ASPM: variants seen among roughly 807,000 people sequenced by gnomAD.
The protein encoded by ASPM is assembly factor for spindle microtubules, also known as abnormal spindle-like microcephaly-associated protein.
A neutral mutation model predicts 366.4 loss-of-function variants in ASPM; 256 were observed. That is an observed-to-expected ratio of 0.70 (90% CI 0.63 to 0.77). ASPM has a LOEUF of 0.77. Among genes scored for constraint, ASPM ranks in the 30% least tolerant of loss-of-function variants. The pLI, the probability that ASPM is intolerant of heterozygous loss-of-function variation, is 0.00. For missense variants in ASPM, 4,146 were observed against 4,090.4 expected (o/e 1.01, Z -0.37); for synonymous variants, 1,414 against 1,342.9 (o/e 1.05, Z -1.16).
At chr1:197,134,677 G>C (rs1199855290) in intron 5 of ASPM, among the ~76,000 whole-genome samples, 1 of 152,118 alleles carries the variant, frequency 6.6e-6, no homozygotes, top group East Asian at 1.9e-4. Flanking sequence ...ATCTCTACCT[G>C]GTCCCTTTCC....
Position 197,100,858 on chromosome 1 carries a change from T to C in ASPM, c.8393A>G (p.Tyr2798Cys), listed in dbSNP as rs920837880. 1.2e-6 allele frequency: 2 copies of C among 1,612,726 alleles called. No homozygotes were observed. Among genetic ancestry groups the C allele is most frequent in the South Asian group, 1.1e-5 (1 of 91,062 alleles). ...QSEGVMIQEW[Y>C]KASGLACSQE... is the part of the protein sequence containing the mutation. ...TGAACAAGCAAGGCCAGAAGCTTTA[T>C]ACCACTCTTGAATCATAACACCTTC... Residue 2798 changes from tyrosine to cysteine, a missense_variant, in exon 18 of 28, where the codon TAT becomes TGT. Physicochemically the swap from Tyr to Cys is radical, Grantham distance 194. Transcript: ENST00000367409.
chr1:197,107,299 G>A (rs1045353169), intron 17 of ASPM, among the ~76,000 whole-genome samples: 7 of 152,064 alleles, frequency 4.6e-5, no homozygotes, highest in South Asian at 2.1e-4. Context: ...TGGCTACTGG[G>A]TGTTACATAA....
chr1:197,118,883 A>G (rs1251792899), intron 16 of ASPM, among the ~76,000 whole-genome samples: 1 of 152,182 alleles, frequency 6.6e-6, no homozygotes, highest in African/African-American at 2.4e-5. Flanking sequence ...ATTGGAGACT[A>G]GAAAATGAAC....
intron 25 of ASPM, 57 bp downstream of exon 25, chr1:197,089,873 T>G (rs925837013): frequency 1.3e-6 from 2 of 1,557,130 alleles, no homozygotes; most frequent in Non-Finnish European, 1.8e-6. Flanking sequence ...CCAAACTTAA[T>G]TTGCAGGGGC....
chr1:197,103,509 C>G lies in ASPM; in HGVS notation c.5742G>C (p.Gln1914His). The G allele has an allele frequency of 6.2e-7, 1 of 1,613,154 alleles. No individual in the cohort carries two copies. The highest frequency in any genetic ancestry group is 8.5e-7 in the Non-Finnish European group (1 of 1,179,476). ...CTGTTTTAAACAATCTAAACTGTTT[C>G]TGGGCCTTGGCCATTCTAAAAGCAG... ...IQSAFRMAKA[Q>H]KQFRLFKTAA... is the part of the protein sequence containing the mutation. The change falls in exon 18 of 28, where the codon CAG becomes CAC. Residue 1914 changes from glutamine to histidine, a missense_variant. Gln to His is a conservative substitution (Grantham distance 24). Around this residue, in one of 3 missense-constraint regions of ASPM, gnomAD observed 3,624 missense variants for 3,591.7 expected, o/e 1.01. Coordinates refer to ENST00000367409, the MANE Select transcript of ASPM (RefSeq NM_018136.5).
chr1:197,143,070 A>T lies in ASPM; in HGVS notation c.1182T>A (p.Asn394Lys). ...SESVNPILSP[N>K]QFLKDNMAYM... ...ATGCCATGTTATCTTTTAAAAATTGATTAGGGGATAAAATAGGATTAACTG... is the reference window on the plus strand; with the variant it reads ...ATGCCATGTTATCTTTTAAAAATTGTTTAGGGGATAAAATAGGATTAACTG... The change falls in exon 3 of 28, where the codon AAT (asparagine) becomes AAA (lysine). Residue 394 changes from asparagine to lysine, a missense_variant. Physicochemically the swap from Asn to Lys is moderately conservative, Grantham distance 94. Around this residue, in one of 3 missense-constraint regions of ASPM, gnomAD observed 512 missense variants for 471.7 expected, o/e 1.09. Transcript: ENST00000367409. 4.3e-6 allele frequency: 7 copies of T among 1,613,018 alleles called. No homozygotes were observed. The highest frequency in any genetic ancestry group is 1.1e-5 in the South Asian group (1 of 91,048).
rs773062972 is a variant in ASPM at position 197,093,155 on chromosome 1, C to G, written c.9191G>C (p.Arg3064Pro). Reference sequence around the variant, plus strand: ...TTCATGCTTTCCAGCCTCCCTGGCTCGTATATATTTTTGTATGATCAAAGC... The same window carrying G: ...TTCATGCTTTCCAGCCTCCCTGGCTGGTATATATTTTTGTATGATCAAAGC... ...SAALIIQKYI[R>P]AREAGKHERI... Residue 3064 changes from arginine to proline, a missense_variant, in exon 21 of 28, where the codon CGA (arginine) becomes CCA (proline). Arg to Pro is a moderately radical substitution (Grantham distance 103, BLOSUM62 -2). This residue lies in a region of ASPM where 3,624 missense variants were observed against 3,591.7 expected (regional missense o/e 1.01). Transcript: ENST00000367409. 6.2e-7 allele frequency: 1 copy of G among 1,612,268 alleles called. No individual in the cohort carries two copies. Among genetic ancestry groups the G allele is most frequent in the Non-Finnish European group, 8.5e-7 (1 of 1,178,760 alleles).
At chr1:197,137,749 G>A (rs114086766) in intron 4 of ASPM, among the ~76,000 whole-genome samples, 2,776 of 152,192 alleles carry the variant, frequency 0.018, 87 homozygotes, top group African/African-American at 0.063. Context: ...CCAAAGTGCT[G>A]GGACCACAGG....
At chr1:197,112,986 A>G (rs1433035857) in intron 17 of ASPM, among the ~76,000 whole-genome samples, 1 of 152,144 alleles carries the variant, frequency 6.6e-6, no homozygotes, top group Non-Finnish European at 1.5e-5. Flanking sequence ...ATAAAAGGTA[A>G]TTTTCAAAAA....
chr1:197,120,004 T>C (rs1005942251), intron 16 of ASPM, among the ~76,000 whole-genome samples: 3 of 152,032 alleles, frequency 2.0e-5, no homozygotes, highest in Non-Finnish European at 4.4e-5. Flanking sequence ...CGGAAAGATA[T>C]AATTGGATGT....
chr1:197,122,237 C>A lies in ASPM; in HGVS notation c.3663G>T (p.Arg1221Ser), dbSNP rs774251846. The A allele has an allele frequency of 1.2e-6, 2 of 1,612,934 alleles. No individual in the cohort carries two copies. The highest frequency in any genetic ancestry group is 1.1e-5 in the South Asian group (1 of 91,050). ...ENEKKNFHLV[R>S]SAVRDLGGIP... is the part of the protein sequence containing the mutation. ...TTCCACCAAGGTCTCTAACTGCAGA[C>A]CTAACCAAGTGAAAATTTTTCTTTT... is the stretch of plus-strand genomic sequence containing the variant. The change falls in exon 15 of 28, where the codon AGG (arginine) becomes AGT (serine). Residue 1221 changes from arginine to serine, a missense_variant. Physicochemically the swap from Arg to Ser is moderately radical, Grantham distance 110. This residue lies in a region of ASPM where 3,624 missense variants were observed against 3,591.7 expected (regional missense o/e 1.01). Transcript: ENST00000367409.
In ASPM at chr1:197,143,249, C is replaced by T. The variant is rs757066740; in HGVS notation, c.1003G>A (p.Val335Ile). ...AACATATCTGATGAAAGACATGTTA[C>T]TAATTCTAGTTCATTATTAGCTCCA... ...SHGANNELEL[V>I]TCLSSDMFMK... The change falls in exon 3 of 28, where the codon GTA (valine) becomes ATA (isoleucine). Residue 335 changes from valine to isoleucine, a missense_variant. Coordinates refer to ENST00000367409, the MANE Select transcript of ASPM (RefSeq NM_018136.5). The T allele has an allele frequency of 2.5e-6, 4 of 1,612,178 alleles. No individual in the cohort carries two copies. The Admixed American group carries it at 6.7e-5, about 27-fold the overall frequency.
At chr1:197,109,260 A>G (rs1245683071) in intron 17 of ASPM, among the ~76,000 whole-genome samples, 3 of 152,060 alleles carry the variant, frequency 2.0e-5, no homozygotes, top group Non-Finnish European at 4.4e-5. Flanking sequence ...TTCCCAACTC[A>G]TTACACAGAT....
At chr1:197,113,299 A>AAT (rs1657642492) in intron 17 of ASPM, among the ~76,000 whole-genome samples, 1 of 152,164 alleles carries the variant, frequency 6.6e-6, no homozygotes, top group Non-Finnish European at 1.5e-5. Context: ...TTGTACACTA[A>AAT]GGCTTAATGA....
Position 197,090,315 on chromosome 1 carries a change from T to C in ASPM, c.9710A>G (p.Gln3237Arg). The change falls in exon 24 of 28, where the codon CAA becomes CGA. Residue 3237 changes from glutamine to arginine, a missense_variant. Physicochemically the swap from Gln to Arg is conservative, Grantham distance 43 (BLOSUM62 1). Transcript: ENST00000367409. ...TTCTCGAATCTCCCTATTAACAACTTGAAGACTTAGTCGTATAGCTTTAAT... is the reference window on the plus strand; with the variant it reads ...TTCTCGAATCTCCCTATTAACAACTCGAAGACTTAGTCGTATAGCTTTAAT... ...TKIKAIRLSLQVVNREIREEN... is the reference protein window; with the variant it reads ...TKIKAIRLSLRVVNREIREEN... 6.2e-7 allele frequency: 1 copy of C among 1,613,036 alleles called. No homozygotes were observed.
At position 197,096,144 on chromosome 1, in the gene ASPM, T is replaced by C; in HGVS notation, c.8841A>G (p.Arg2947=). 1 of 1,607,306 alleles carries C rather than the reference T, an allele frequency of 6.2e-7. No individual in the cohort carries two copies. Among genetic ancestry groups the C allele is most frequent in the Non-Finnish European group, 8.5e-7 (1 of 1,175,210 alleles). Residue 2947 remains arginine, a synonymous_variant, in exon 19 of 28, where the codon AGA becomes AGG. Transcript: ENST00000367409. ...IKIQAMWRRY[R]AKKYLCKVKA... ...TCACTTTACATAAATATTTCTTGGC[T>C]CTATATCTCCTCCACATAGCCTATT...
intron 4 of ASPM, chr1:197,138,861 T>C: frequency 1.1e-6 from 1 of 920,086 alleles, no homozygotes; most frequent in East Asian, 2.4e-5. Context: ...CAGTTGTTTT[T>C]TCTCTTCTTC....
chr1:197,114,889 C>T (rs1657697805), intron 17 of ASPM, among the ~76,000 whole-genome samples: 1 of 152,060 alleles, frequency 6.6e-6, no homozygotes, highest in Non-Finnish European at 1.5e-5. Context: ...GCTGGGATTA[C>T]AGGCATGCAC....
rs1293299159 is a variant in ASPM, at chr1:197,122,148, CT to C, written c.3741+10del. On this transcript the variant is annotated intron_variant, in intron 15 of 27. Transcript: ENST00000367409. ...ATTGAATTAATAATTAGAAACTCTT[CT>C]TTTACTTACCTTTTCATCTGGAATT... 1 of 1,604,282 alleles carries C rather than the reference CT, an allele frequency of 6.2e-7. No homozygotes were observed. The highest frequency in any genetic ancestry group is 8.5e-7 in the Non-Finnish European group (1 of 1,171,922).
Sources: allele counts gnomAD v4.1 joint callset (sites outside exome capture counted in the v4.1 genomes callset), GRCh38; gene constraint gnomAD v4.1.1; regional missense constraint gnomAD v4.1.1; transcripts MANE v1.5; gene names NCBI Gene and HGNC (gene_info 2026-07-23, HGNC 2026-07-21).